The following DEUP1 variants were observed in gnomAD, a reference collection of about 807,000 sequenced individuals.
DEUP1 encodes deuterosome assembly protein 1.
DEUP1 carries 82 observed loss-of-function variants against 87.4 expected under a neutral mutation model. That is an observed-to-expected ratio of 0.94 (90% CI 0.78 to 1.13). The LOEUF is 1.13. DEUP1 is among the 50% of genes most tolerant of loss of function. The pLI is 0.00. For synonymous variants in DEUP1, 214 were observed against 222.7 expected, an observed-to-expected ratio of 0.96 and a Z score of 0.35; for missense variants, 663 against 681.5, an observed-to-expected ratio of 0.97 and a Z score of 0.30.
intron 2 of DEUP1, among the ~76,000 whole-genome samples, chr11:93,334,677 G>A (rs1379995489): frequency 1.3e-5 from 2 of 152,190 alleles, no homozygotes; most frequent in Non-Finnish European, 2.9e-5. Context: ...TTCAGTGTGA[G>A]TGAATCAATA....
chr11:93,370,157 T>A lies in DEUP1; in HGVS notation c.517T>A (p.Leu173Ile), dbSNP rs1278717075. 1.3e-6 allele frequency: 2 copies of A among 1,586,402 alleles called. No homozygotes were observed. Among genetic ancestry groups the A allele is most frequent in the African/African-American group, 2.7e-5 (2 of 74,396 alleles). The change falls in exon 6 of 14, where the codon TTA becomes ATA. Residue 173 changes from leucine to isoleucine, a missense_variant. Physicochemically the swap from Leu to Ile is conservative, Grantham distance 5. Coordinates refer to ENST00000298050, the MANE Select transcript of DEUP1 (RefSeq NM_181645.4). Reference protein sequence around the residue: ...HLISLDAQQKLLSEKCNQFQK... With the variant: ...HLISLDAQQKILSEKCNQFQK... ...GATTTCTTTAGATGCTCAACAAAAA[T>A]TATTATCTGAGAAGTGTAATCAGTT...
At chr11:93,433,663 C>G (rs1421929807) in intron 13 of DEUP1, among the ~76,000 whole-genome samples, 1 of 152,202 alleles carries the variant, frequency 6.6e-6, no homozygotes, top group African/African-American at 2.4e-5. Context: ...AGTCATCTCT[C>G]TGAGATCAGG....
chr11:93,436,691 C>G (rs892423374), intron 13 of DEUP1, among the ~76,000 whole-genome samples: 2 of 152,010 alleles, frequency 1.3e-5, no homozygotes, highest in African/African-American at 4.8e-5. Flanking sequence ...TACAGATTGT[C>G]GACTCCCCAA....
intron 11 of DEUP1, among the ~76,000 whole-genome samples, chr11:93,396,675 A>C (rs1450512402): frequency 1.3e-5 from 2 of 151,996 alleles, no homozygotes; most frequent in Non-Finnish European, 2.9e-5. Context: ...CACCCCTGAA[A>C]CCCCAGTCAG....
chr11:93,432,260 G>C (rs1408177579), intron 13 of DEUP1, among the ~76,000 whole-genome samples: 1 of 152,182 alleles, frequency 6.6e-6, no homozygotes, highest in Non-Finnish European at 1.5e-5. Context: ...TGAGAGGTAA[G>C]AAGAAATAGG....
At chr11:93,330,616 C>G (rs151052725), upstream of DEUP1, 16,282 of 152,626 alleles carry the variant, frequency 0.11, 1,601 homozygotes, top group African/African-American at 0.26. Context: ...GGGAGAGGCC[C>G]AACTGCCTCG....
intron 11 of DEUP1, among the ~76,000 whole-genome samples, chr11:93,400,123 C>T (rs1428651559): frequency 2.6e-5 from 4 of 152,002 alleles, no homozygotes; most frequent in Non-Finnish European, 5.9e-5. Context: ...AATATTGATC[C>T]ACCTTTGAGT....
rs375480921 is a variant in DEUP1 at position 93,389,139 on chromosome 11, T to C, written c.1041+14T>C. 95 of 1,421,368 alleles carry C rather than the reference T, an allele frequency of 6.7e-5. No homozygotes were observed. Among genetic ancestry groups the C allele is most frequent in the Non-Finnish European group, 8.3e-5 (85 of 1,021,570 alleles). 88.0% of individuals were successfully genotyped at this position (1,421,368 alleles called of 1,614,324 possible). A position where few individuals can be genotyped will look rare whatever the true frequency, so the allele number is the denominator to read the frequency against. On this transcript the variant is annotated intron_variant, in intron 9 of 13. Coordinates refer to ENST00000298050, the MANE Select transcript of DEUP1 (RefSeq NM_181645.4). ...GAATTGAACAAGGTATGAAAAATAATGAGCTCCATTCTTCCAGGTAGATGT... is the reference window on the plus strand; with the variant it reads ...GAATTGAACAAGGTATGAAAAATAACGAGCTCCATTCTTCCAGGTAGATGT...
intron 2 of DEUP1, among the ~76,000 whole-genome samples, 157 bp downstream of exon 2, chr11:93,332,445 G>C (rs1943538807): frequency 6.6e-6 from 1 of 152,170 alleles, no homozygotes; most frequent in Non-Finnish European, 1.5e-5. Flanking sequence ...CTGTAATTAA[G>C]GATTATAATG....
intron 7 of DEUP1, among the ~76,000 whole-genome samples, chr11:93,379,063 A>G (rs1465271464): frequency 6.6e-6 from 1 of 152,140 alleles, no homozygotes; most frequent in Non-Finnish European, 1.5e-5. Context: ...AGGCCCAGTT[A>G]TCAAGTCTGG....
At chr11:93,347,351 A>C (rs532687278) in intron 2 of DEUP1, among the ~76,000 whole-genome samples, 1 of 152,294 alleles carries the variant, frequency 6.6e-6, no homozygotes, top group Admixed American at 6.5e-5. Flanking sequence ...TCACCCTTGC[A>C]TCCCAGGGAC....
chr11:93,361,637 GAT>G (rs1650391596), intron 4 of DEUP1, among the ~76,000 whole-genome samples: 1 of 151,866 alleles, frequency 6.6e-6, no homozygotes, highest in Admixed American at 6.6e-5. Context: ...TCTACAAAGA[GAT>G]ATACTCAAAA....
intron 13 of DEUP1, among the ~76,000 whole-genome samples, chr11:93,431,227 AAATT>A (rs1948097956): frequency 6.6e-6 from 1 of 152,190 alleles, no homozygotes; most frequent in Non-Finnish European, 1.5e-5. Context: ...GTAGCCAGGA[AAATT>A]ATCATTGAGA....
intron 2 of DEUP1, among the ~76,000 whole-genome samples, chr11:93,335,597 T>C (rs1943719526): frequency 6.6e-6 from 1 of 152,230 alleles, no homozygotes; most frequent in African/African-American, 2.4e-5. Flanking sequence ...TCAAGGTTTA[T>C]GCGTATATCT....
intron 9 of DEUP1, among the ~76,000 whole-genome samples, chr11:93,392,810 C>T (rs1232241648): frequency 1.3e-5 from 2 of 152,112 alleles, no homozygotes; most frequent in African/African-American, 4.8e-5. Flanking sequence ...CTTAACTCTC[C>T]AGCCTTATTT....
At chr11:93,428,272 A>G (rs1376689163) in intron 13 of DEUP1, among the ~76,000 whole-genome samples, 1 of 152,180 alleles carries the variant, frequency 6.6e-6, no homozygotes, top group Non-Finnish European at 1.5e-5. Flanking sequence ...GCCATAAAAA[A>G]TGATGAGTTC....
chr11:93,420,366 G>A (rs994751560), intron 13 of DEUP1, among the ~76,000 whole-genome samples: 5 of 151,464 alleles, frequency 3.3e-5, no homozygotes, highest in African/African-American at 1.2e-4. Context: ...ATTCAACAAT[G>A]CTTCATGCTA....
intron 7 of DEUP1, among the ~76,000 whole-genome samples, chr11:93,379,365 AT>A (rs1946192552): frequency 6.6e-6 from 1 of 152,132 alleles, no homozygotes; most frequent in African/African-American, 2.4e-5. Context: ...TATTGTTTAT[AT>A]TTTTCCAGGA....
At chr11:93,350,687 C>T (rs964483757) in intron 2 of DEUP1, among the ~76,000 whole-genome samples, 6 of 152,004 alleles carry the variant, frequency 3.9e-5, no homozygotes, top group African/African-American at 1.5e-4. Context: ...CGGTGGCTCA[C>T]ACCTGTAACC....
Sources: gnomAD v4.1 joint callset for allele counts (sites outside exome capture counted in the v4.1 genomes callset) on GRCh38, gnomAD v4.1.1 for gene constraint, MANE v1.5 for transcripts, NCBI Gene and HGNC (gene_info 2026-07-23, HGNC 2026-07-21) for gene names.